The following CRISPLD2 variants were observed in gnomAD, a reference collection of about 807,000 sequenced individuals.
CRISPLD2 encodes the protein cysteine rich secretory protein LCCL domain containing 2.
Under a neutral mutation model 71.1 loss-of-function variants are expected in CRISPLD2, and 47 were observed. The observed-to-expected ratio is 0.66, with a 90% CI of 0.52 to 0.84. CRISPLD2 has a LOEUF of 0.84. Among genes scored for constraint, CRISPLD2 ranks in the 40% least tolerant of loss-of-function variants. The probability of loss-of-function intolerance (pLI) is 0.00; values close to 1 mark genes in which losing one functional copy is unlikely to be tolerated. For missense variants in CRISPLD2, 830 were observed against 651.1 expected (o/e 1.27, Z -2.99); for synonymous variants, 317 against 250.1 (o/e 1.27, Z -2.52).
At chr16:84,846,830 C>A (rs1220673056) in intron 3 of CRISPLD2, among the ~76,000 whole-genome samples, 1 of 152,220 alleles carries the variant, frequency 6.6e-6, no homozygotes, top group Non-Finnish European at 1.5e-5. Flanking sequence ...TGTCCCCTCT[C>A]CCATAGGAGG....
rs577129657 is a variant in CRISPLD2 at position 84,826,748 on chromosome 16, G to A, written c.-75+6615G>A. ...GAACTGGGCCCTGTCTAGGAGAGTC[G>A]TGTGCGGGTCCAAGGGGGAGGCCCC... On this transcript the variant is annotated intron_variant, in intron 1 of 14. Transcript: ENST00000262424. Among the ~76,000 whole-genome samples the A allele has an allele frequency of 5.3e-5, 8 of 152,294 alleles. No homozygotes were observed. In the South Asian group the frequency reaches 8.3e-4, roughly 16 times the overall value.
At chr16:84,848,985 C>A (rs1388745246) in intron 3 of CRISPLD2, among the ~76,000 whole-genome samples, 639 of 106,338 alleles carry the variant, frequency 6.0e-3, no homozygotes, top group African/African-American at 8.4e-3. Context: ...GACTCCGTCT[C>A]AAAAAAAAAA....
chr16:84,907,515 T>G lies in CRISPLD2; in HGVS notation c.*873T>G, dbSNP rs1289127686. On this transcript the variant is annotated 3_prime_UTR_variant, in exon 15 of 15. Transcript: ENST00000262424. ...ACGTGTCCTGGTTCACACCCAGGAC[T>G]TTTCTTTGCAAGCGAACCTGTTTGA... 7 of 152,246 alleles carry G rather than the reference T, an allele frequency of 4.6e-5. No homozygotes were observed. Among genetic ancestry groups the G allele is most frequent in the Non-Finnish European group, 1.0e-4 (7 of 68,042 alleles). The allele number at this position is 152,246 out of a possible 1,614,324, so 9.4% of individuals were successfully genotyped here.
intron 14 of CRISPLD2, among the ~76,000 whole-genome samples, chr16:84,905,870 C>T (rs1597490755): frequency 6.6e-6 from 1 of 151,534 alleles, no homozygotes; most frequent in African/African-American, 2.4e-5. Context: ...CCACCACATC[C>T]GGCTAATTTT....
intron 1 of CRISPLD2, among the ~76,000 whole-genome samples, chr16:84,825,075 C>T (rs774932336): frequency 2.0e-5 from 3 of 152,120 alleles, no homozygotes; most frequent in Non-Finnish European, 4.4e-5. Flanking sequence ...CCACTGCACT[C>T]CAGCCTGGGT....
In CRISPLD2 at chr16:84,849,378, C is replaced by T. The variant is rs550003217; in HGVS notation, c.360-7C>T. 2.4e-5 allele frequency: 39 copies of T among 1,611,104 alleles called. No individual in the cohort carries two copies. The African/African-American group carries it at 3.2e-4, about 13-fold the overall frequency. On this transcript the variant is annotated splice_region_variant and splice_polypyrimidine_tract_variant and intron_variant, in intron 3 of 14. Coordinates refer to ENST00000262424, the MANE Select transcript of CRISPLD2 (RefSeq NM_031476.4). ...CTGGGACTGAGTGAGCGGTTTCTGC[C>T]CTGCAGGTATCGCTCTCCGGGGTTC...
chr16:84,886,861 T>G (rs1255486903), intron 13 of CRISPLD2, among the ~76,000 whole-genome samples: 2 of 152,220 alleles, frequency 1.3e-5, no homozygotes, highest in African/African-American at 4.8e-5. Context: ...TAACCATTGT[T>G]AAGTGCACAG....
chr16:84,904,976 T>C (rs892133280), intron 14 of CRISPLD2, among the ~76,000 whole-genome samples: 4 of 152,156 alleles, frequency 2.6e-5, no homozygotes, highest in Non-Finnish European at 4.4e-5. Context: ...TTTAAAACTT[T>C]TATGCCTTAA....
chr16:84,881,241 C>T (rs935137529), intron 13 of CRISPLD2, among the ~76,000 whole-genome samples: 3 of 152,226 alleles, frequency 2.0e-5, no homozygotes, highest in South Asian at 4.1e-4. Flanking sequence ...GGTCCACGCA[C>T]TGTATTTCTT....
intron 11 of CRISPLD2, among the ~76,000 whole-genome samples, chr16:84,875,493 T>A (rs566570901): frequency 6.7e-6 from 1 of 149,744 alleles, no homozygotes; most frequent in East Asian, 2.0e-4. Context: ...CCAAGACAAT[T>A]CTTTTTCCAG....
At chr16:84,850,248 G>A (rs1036780881) in intron 4 of CRISPLD2, among the ~76,000 whole-genome samples, 5 of 151,900 alleles carry the variant, frequency 3.3e-5, no homozygotes, top group African/African-American at 1.2e-4. Context: ...CTGCCACCAC[G>A]CCCGGCTAAT....
At chr16:84,831,203 C>T (rs1916480132) in intron 1 of CRISPLD2, among the ~76,000 whole-genome samples, 1 of 152,196 alleles carries the variant, frequency 6.6e-6, no homozygotes. Context: ...TGACATCTGA[C>T]AGGATAACCT....
At position 84,849,346 on chromosome 16, in the gene CRISPLD2, G is replaced by C. The variant is rs1416851291; in HGVS notation, c.360-39G>C. ...CTGCTGTCTCCACTGGTGGGTGAGG[G>C]GAGGGGCTGGGACTGAGTGAGCGGT... On this transcript the variant is annotated intron_variant, in intron 3 of 14. Coordinates refer to ENST00000262424, the MANE Select transcript of CRISPLD2 (RefSeq NM_031476.4). The C allele has an allele frequency of 1.9e-6, 3 of 1,573,932 alleles. No individual in the cohort carries two copies. The South Asian group carries it at 3.4e-5, about 18-fold the overall frequency.
Position 84,887,331 on chromosome 16 carries a change from C to G in CRISPLD2, c.1306-1899C>G, listed in dbSNP as rs370400170. Among the ~76,000 whole-genome samples the G allele has an allele frequency of 1.7e-4, 26 of 152,332 alleles. No homozygotes were observed. In the East Asian group the frequency reaches 4.8e-3, roughly 28 times the overall value. ...ATATGGGGAGTCTGCCCCGTTCACC[C>G]TCCCCACCCTTGAACCACAAAGTGC... is the stretch of plus-strand genomic sequence containing the variant. On this transcript the variant is annotated intron_variant, in intron 13 of 14. Coordinates refer to ENST00000262424, the MANE Select transcript of CRISPLD2 (RefSeq NM_031476.4).
chr16:84,895,753 C>G (rs1470572328), intron 14 of CRISPLD2, among the ~76,000 whole-genome samples: 2 of 152,162 alleles, frequency 1.3e-5, no homozygotes, highest in Non-Finnish European at 2.9e-5. Flanking sequence ...AAGGTTTAAA[C>G]CTAGCAGGGG....
intron 11 of CRISPLD2, among the ~76,000 whole-genome samples, chr16:84,876,722 G>A (rs922080512): frequency 1.3e-5 from 2 of 152,172 alleles, no homozygotes; most frequent in Non-Finnish European, 2.9e-5. Flanking sequence ...GAACTCAGGG[G>A]TGGAGGTTGC....
intron 4 of CRISPLD2, among the ~76,000 whole-genome samples, chr16:84,850,080 C>CTGTTTGTTTGCTTGCTTTTTTT (rs1567687090): frequency 7.3e-6 from 1 of 137,400 alleles, no homozygotes; most frequent in East Asian, 2.2e-4. Flanking sequence ...GTGTGGGAGT[C>CTGTTTGTTTGCTTGCTTTTTTT]TGTTTGTTTG....
chr16:84,854,845 C>G lies in CRISPLD2; in HGVS notation c.709+16C>G, dbSNP rs1357426403. On this transcript the variant is annotated intron_variant, in intron 6 of 14. Coordinates refer to ENST00000262424, the MANE Select transcript of CRISPLD2 (RefSeq NM_031476.4). ...TGTTACCGAGGTAGGAAATTTACTC[C>G]CAACACTTTTGCAATGAATTTGCCC... 5.7e-6 allele frequency: 9 copies of G among 1,592,078 alleles called. No homozygotes were observed. The highest frequency in any genetic ancestry group is 2.7e-5 in the African/African-American group (2 of 74,432).
chr16:84,852,623 C>T (rs1365295668), intron 5 of CRISPLD2, among the ~76,000 whole-genome samples: 3 of 152,018 alleles, frequency 2.0e-5, no homozygotes, highest in African/African-American at 7.2e-5. Flanking sequence ...CTGTCCCAGG[C>T]ACCAGGGTGA....
Sources: allele counts gnomAD v4.1 joint callset (sites outside exome capture counted in the v4.1 genomes callset), GRCh38; gene constraint gnomAD v4.1.1; transcripts MANE v1.5; gene names NCBI Gene and HGNC (gene_info 2026-07-23, HGNC 2026-07-21).